The following UNG variants were observed in gnomAD, a reference collection of about 807,000 sequenced individuals.
The protein encoded by UNG is uracil DNA glycosylase.
UNG carries 34 observed loss-of-function variants against 36.5 expected under a neutral mutation model. That is an observed-to-expected ratio of 0.93 (90% CI 0.71 to 1.24). The LOEUF is 1.24. Ranked by LOEUF, UNG falls within the 50% of genes most tolerant of loss-of-function variation. The pLI, the probability that UNG is intolerant of heterozygous loss-of-function variation, is 0.00. For missense variants in UNG, 391 were observed against 397.6 expected (o/e 0.98, Z 0.14); for synonymous variants, 172 against 157.8 (o/e 1.09, Z -0.67).
rs2042182884 is a variant in UNG at position 109,102,106 on chromosome 12, G to A, written c.533+107G>A. 10 of 1,030,348 alleles carry A rather than the reference G, an allele frequency of 9.7e-6. No homozygotes were observed. In the East Asian group the frequency reaches 2.5e-4, roughly 26 times the overall value. The allele number at this position is 1,030,348 out of a possible 1,614,324, so 63.8% of individuals were successfully genotyped here. ...TGGGGCACTGTTCACTAGCCTTGGA[G>A]GAGGATTTCTCGGCCTCAGCACCAT... On this transcript the variant is annotated intron_variant, in intron 4 of 6. Coordinates refer to ENST00000242576, the MANE Select transcript of UNG (RefSeq NM_080911.3).
rs539054379 is a variant in UNG at position 109,097,623 on chromosome 12, A to G, written c.-57A>G. 10 of 1,577,070 alleles carry G rather than the reference A, an allele frequency of 6.3e-6. No individual in the cohort carries two copies. The highest frequency in any genetic ancestry group is 2.4e-5 in the East Asian group (1 of 42,336). On this transcript the variant is annotated 5_prime_UTR_variant, in exon 1 of 7. Transcript: ENST00000242576. ...ATTGCTGACCGCCACAGCCACAGCC[A>G]GGGCTAGCCTCGCCGGTTCCCGGGT...
At chr12:109,098,198 C>T (rs1004897679) in intron 1 of UNG, 7 of 1,433,310 alleles carry the variant, frequency 4.9e-6, no homozygotes, top group Middle Eastern at 2.6e-4. Flanking sequence ...CACCGCGACG[C>T]TCCTCGGGAA....
rs549771544 is a variant in UNG at position 109,099,704 on chromosome 12, G to T, written c.435+420G>T. Among the ~76,000 whole-genome samples the T allele has an allele frequency of 2.0e-5, 3 of 152,258 alleles. No homozygotes were observed. The South Asian group carries it at 6.2e-4, about 32-fold the overall frequency. On this transcript the variant is annotated intron_variant, in intron 3 of 6. Transcript: ENST00000242576. The stretch of plus-strand genomic sequence containing the variant: ...GACTTCTGGCCTGAACAGTTTTGTG[G>T]TTCTGTTATCAGATCCCTTTGCTTT...
In UNG at chr12:109,099,061, A is replaced by C. The variant is rs2042157080; in HGVS notation, c.340-128A>C. On this transcript the variant is annotated intron_variant, in intron 2 of 6. Coordinates refer to ENST00000242576, the MANE Select transcript of UNG (RefSeq NM_080911.3). The stretch of plus-strand genomic sequence containing the variant: ...ACTGTTTTTGTTTGTTGTTTTTTAA[A>C]AGAATTTGGACATAACATGACAAAG... 9.2e-6 allele frequency: 9 copies of C among 976,542 alleles called. No individual in the cohort carries two copies. The South Asian group carries it at 1.3e-4, about 14-fold the overall frequency. 60.5% of individuals were successfully genotyped at this position (976,542 alleles called of 1,614,324 possible). A position where few individuals can be genotyped will look rare whatever the true frequency, so the allele number is the denominator to read the frequency against.
chr12:109,106,041 C>T (rs547554908), intron 6 of UNG, among the ~76,000 whole-genome samples: 29 of 152,352 alleles, frequency 1.9e-4, no homozygotes, highest in African/African-American at 7.0e-4. Context: ...GCTTTCTCTG[C>T]CTACAGTGTA....
intron 4 of UNG, 87 bp downstream of exon 4, chr12:109,102,086 C>A: frequency 1.7e-6 from 2 of 1,174,736 alleles, no homozygotes; most frequent in Non-Finnish European, 2.5e-6. Context: ...CTATCTGGGG[C>A]ACTGTTCACT....
chr12:109,102,946 GAT>G lies in UNG; in HGVS notation c.622+20_622+21del. On this transcript the variant is annotated intron_variant, in intron 5 of 6. Transcript: ENST00000242576. The stretch of plus-strand genomic sequence containing the variant: ...AAGCAAGGTAAGCCAGCGACTGCTA[GAT>G]TTTTTTTTTTTTTTTTTTTTTGAGA... 6.5e-6 allele frequency: 6 copies of G among 917,676 alleles called. No homozygotes were observed. The highest frequency in any genetic ancestry group is 1.0e-5 in the Non-Finnish European group (6 of 598,278). The allele number at this position is 917,676 out of a possible 1,614,324, so 56.8% of individuals were successfully genotyped here. A position where few individuals can be genotyped will look rare whatever the true frequency, so the allele number is the denominator to read the frequency against.
In UNG at chr12:109,098,602, C is replaced by T. The variant is rs763266989; in HGVS notation, c.303C>T (p.His101=). 2.5e-6 allele frequency: 4 copies of T among 1,613,420 alleles called. No individual in the cohort carries two copies. In the African/African-American group the frequency reaches 4.0e-5, roughly 16 times the overall value. ...PVGFGESWKK[H]LSGEFGKPYF... is the part of the protein sequence containing the mutation. ...GCTTTGGAGAGAGCTGGAAGAAGCA[C>T]CTCAGCGGGGAGTTCGGGAAACCGT... The change falls in exon 2 of 7, where the codon CAC becomes CAT. Residue 101 remains histidine, a synonymous_variant. Coordinates refer to ENST00000242576, the MANE Select transcript of UNG (RefSeq NM_080911.3).
intron 6 of UNG, 81 bp downstream of exon 6, chr12:109,103,692 G>A (rs2042196688): frequency 1.4e-6 from 2 of 1,439,738 alleles, no homozygotes; most frequent in Non-Finnish European, 1.9e-6. Context: ...AGTCCCTGCT[G>A]TGTTTGGTCC....
intron 6 of UNG, 134 bp downstream of exon 6, chr12:109,103,745 C>T: frequency 9.3e-7 from 1 of 1,073,598 alleles, no homozygotes; most frequent in African/African-American, 1.6e-5. Flanking sequence ...TTCCCTTAGG[C>T]CTGTTATAAG....
intron 1 of UNG, chr12:109,098,201 C>T (rs1231530793): frequency 7.0e-7 from 1 of 1,436,924 alleles, no homozygotes; most frequent in Non-Finnish European, 9.1e-7. Context: ...CGCGACGCTC[C>T]TCGGGAAGCC....
At chr12:109,108,907 C>T (rs963715347) in intron 6 of UNG, among the ~76,000 whole-genome samples, 1 of 152,134 alleles carries the variant, frequency 6.6e-6, no homozygotes, top group South Asian at 2.1e-4. Flanking sequence ...ACTGGGATTA[C>T]AGGTGTAAGC....
In UNG at chr12:109,110,139, C is replaced by T; in HGVS notation, c.*170C>T. 2.4e-6 allele frequency: 2 copies of T among 825,530 alleles called. No individual in the cohort carries two copies. Among genetic ancestry groups the T allele is most frequent in the Non-Finnish European group, 3.8e-6 (2 of 521,670 alleles). The allele number at this position is 825,530 out of a possible 1,614,324, so 51.1% of individuals were successfully genotyped here. A position where few individuals can be genotyped will look rare whatever the true frequency, so the allele number is the denominator to read the frequency against. The stretch of plus-strand genomic sequence containing the variant: ...CAGGAATGGCAGCTGTATCCAACCA[C>T]AAACAACAAAGGCTACCCTTTGACC... On this transcript the variant is annotated 3_prime_UTR_variant, in exon 7 of 7. Transcript: ENST00000242576.
chr12:109,105,421 G>C (rs2042208927), intron 6 of UNG, among the ~76,000 whole-genome samples: 1 of 152,122 alleles, frequency 6.6e-6, no homozygotes, highest in African/African-American at 2.4e-5. Flanking sequence ...GCAGTATATT[G>C]GTAATCTTTA....
chr12:109,102,565 G>A (rs1345479158), intron 4 of UNG, among the ~76,000 whole-genome samples: 2 of 152,164 alleles, frequency 1.3e-5, no homozygotes, highest in East Asian at 1.9e-4. Context: ...GAGCAACAGT[G>A]GGGGTCTGGG....
intron 6 of UNG, among the ~76,000 whole-genome samples, chr12:109,106,317 G>A (rs2042214749): frequency 6.6e-6 from 1 of 152,008 alleles, no homozygotes; most frequent in South Asian, 2.1e-4. Context: ...CCTCGACCCC[G>A]GGCAGTCTGG....
chr12:109,099,640 C>T (rs796192347), intron 3 of UNG, among the ~76,000 whole-genome samples: 4 of 152,272 alleles, frequency 2.6e-5, no homozygotes, highest in African/African-American at 9.6e-5. Flanking sequence ...CCACCTTGAC[C>T]TGACCACACT....
At chr12:109,101,872 G>GT (rs1566121229) in intron 3 of UNG, 30 bp from the exon 4 acceptor site, 1 of 1,592,254 alleles carries the variant, frequency 6.3e-7, no homozygotes, top group East Asian at 2.2e-5. Flanking sequence ...TTACAGTATT[G>GT]TTTAATTCCT....
chr12:109,099,639 C>G (rs970952385), intron 3 of UNG, among the ~76,000 whole-genome samples: 2 of 152,168 alleles, frequency 1.3e-5, no homozygotes, highest in Non-Finnish European at 2.9e-5. Context: ...CCCACCTTGA[C>G]CTGACCACAC....
Sources: gnomAD v4.1 joint callset for allele counts (sites outside exome capture counted in the v4.1 genomes callset) on GRCh38, gnomAD v4.1.1 for gene constraint, MANE v1.5 for transcripts, NCBI Gene and HGNC (gene_info 2026-07-23, HGNC 2026-07-21) for gene names.